Variants in C1S observed in about 807,000 individuals in gnomAD.
C1S encodes the protein complement C1s subcomponent.
A neutral mutation model predicts 54.0 loss-of-function variants in C1S; 31 were observed. The ratio of observed to expected loss-of-function variants is 0.57; its 90% confidence interval spans 0.43 to 0.78. The LOEUF (loss-of-function observed/expected upper bound fraction) is 0.78. Among genes scored for constraint, C1S ranks in the 30% least tolerant of loss-of-function variants. The pLI is 0.00. For missense variants in C1S, 727 were observed against 851.8 expected (o/e 0.85, Z 1.82); for synonymous variants, 292 against 303.6 (o/e 0.96, Z 0.40).
At chr12:7,067,792 A>G in intron 10 of C1S, 21 bp downstream of exon 10, 1 of 1,603,642 alleles carries the variant, frequency 6.2e-7, no homozygotes, top group Non-Finnish European at 8.5e-7. Flanking sequence ...TCTACTGGAG[A>G]AGAGAGAGAG....
chr12:7,063,669 A>G (rs1023682448), intron 4 of C1S, among the ~76,000 whole-genome samples: 1 of 152,210 alleles, frequency 6.6e-6, no homozygotes, highest in African/African-American at 2.4e-5. Flanking sequence ...TTTACCTTGC[A>G]GAGTGTCATT....
rs781956061 is a variant in C1S, at chr12:7,067,054, A to T, written c.1003A>T (p.Thr335Ser). Residue 335 changes from threonine to serine, a missense_variant, in exon 9 of 12, where the codon ACA (threonine) becomes TCA (serine). Coordinates refer to ENST00000360817, the MANE Select transcript of C1S (RefSeq NM_001734.5). The part of the protein sequence containing the change: ...FEVVEGRVGA[T>S]SFYSTCQSNG... ...TATTCTCCAGGGACGTGTTGGTGCA[A>T]CATCTTTCTATTCGACTTGTCAAAG... The T allele has an allele frequency of 6.2e-7, 1 of 1,611,928 alleles. No individual in the cohort carries two copies.
At chr12:7,066,865 G>A in intron 8 of C1S, 174 bp from the exon 9 acceptor site, 1 of 713,328 alleles carries the variant, frequency 1.4e-6, no homozygotes, top group Non-Finnish European at 2.6e-6. Flanking sequence ...GACACGTTGG[G>A]GCAAAGCTTT....
At position 7,068,484 on chromosome 12, in the gene C1S, C is replaced by T. The variant is rs2135727934; in HGVS notation, c.1224C>T (p.Ser408=). 8 of 1,613,688 alleles carry T rather than the reference C, an allele frequency of 5.0e-6. No individual in the cohort carries two copies. Among genetic ancestry groups the T allele is most frequent in the Non-Finnish European group, 6.8e-6 (8 of 1,179,700 alleles). Residue 408 remains serine (S), a synonymous_variant, in exon 11 of 12, where the codon AGC becomes AGT. Transcript: ENST00000360817. ...AGTATCACTGTGCTGGTAACGGGAG[C>T]TGGGTGAATGAGGTGCTGGGCCCGG... ...GGEYHCAGNG[S]WVNEVLGPEL... is the part of the protein sequence containing the mutation.
intron 11 of C1S, among the ~76,000 whole-genome samples, chr12:7,069,251 C>G (rs1359797889): frequency 6.6e-6 from 1 of 152,168 alleles, no homozygotes; most frequent in East Asian, 1.9e-4. Flanking sequence ...AGCAGCTTCA[C>G]TTGAATTCAG....
chr12:7,066,148 C>A, intron 7 of C1S, 178 bp downstream of exon 7: 1 of 667,706 alleles, frequency 1.5e-6, no homozygotes. Context: ...CCACTCTGGG[C>A]AACAGAGCAA....
chr12:7,065,375 A>G, intron 6 of C1S, 76 bp downstream of exon 6: 1 of 1,058,312 alleles, frequency 9.4e-7, no homozygotes. Context: ...TTTTTTTTTC[A>G]TACAGCATCT....
chr12:7,065,201 C>T lies in C1S; in HGVS notation c.619C>T (p.Arg207Trp), dbSNP rs781922815. The change falls in exon 6 of 12, where the codon CGG (arginine) becomes TGG (tryptophan). Residue 207 changes from arginine (R) to tryptophan (W), a missense_variant. Physicochemically the swap from Arg to Trp is moderately radical, Grantham distance 101. Transcript: ENST00000360817. ...PENSRCEYQIRLEKGFQVVVT... is the reference protein window; with the variant it reads ...PENSRCEYQIWLEKGFQVVVT... ...GAACTCAAGGTGTGAATACCAGATC[C>T]GGTTGGAGAAAGGGTTCCAAGTGGT... is the stretch of plus-strand genomic sequence containing the variant. 1.2e-5 allele frequency: 19 copies of T among 1,613,838 alleles called. No homozygotes were observed. Among genetic ancestry groups the T allele is most frequent in the African/African-American group, 6.7e-5 (5 of 75,020 alleles).
rs1937654613 is a variant in C1S, at chr12:7,066,324, G to A, written c.872-194G>A. On this transcript the variant is annotated intron_variant, in intron 7 of 11. Coordinates refer to ENST00000360817, the MANE Select transcript of C1S (RefSeq NM_001734.5). ...CTCTAGTAATCCTTTAACTAGACCT[G>A]AGACTGCAGACAGCTTGCGGGTGGT... is the stretch of plus-strand genomic sequence containing the variant. 3 of 664,460 alleles carry A rather than the reference G, an allele frequency of 4.5e-6. 1 individual carries two copies. In the South Asian group the frequency reaches 5.1e-5, roughly 11 times the overall value. 41.2% of individuals were successfully genotyped at this position (664,460 alleles called of 1,614,324 possible).
At chr12:7,067,470 C>A in intron 9 of C1S, 173 bp from the exon 10 acceptor site, 1 of 782,418 alleles carries the variant, frequency 1.3e-6, no homozygotes, top group South Asian at 1.4e-5. Flanking sequence ...GGTGAGAGAG[C>A]TGAGAGATGC....
rs781932595 is a variant in C1S, at chr12:7,070,250, G to A, written c.1666G>A (p.Asp556Asn). ...SPICLPGTSS[D>N]YNLMDGDLGL... ...CATCTGCCTACCAGGCACCTCTTCC[G>A]ACTACAACCTCATGGATGGGGACCT... Residue 556 changes from aspartate to asparagine, a missense_variant, in exon 12 of 12, where the codon GAC becomes AAC. Physicochemically the swap from Asp to Asn is conservative, Grantham distance 23. Coordinates refer to ENST00000360817, the MANE Select transcript of C1S (RefSeq NM_001734.5). The surrounding 1 kb of genome is among the most constrained non-coding windows in gnomAD (Gnocchi z 4.9). 6.2e-6 allele frequency: 10 copies of A among 1,613,972 alleles called. No individual in the cohort carries two copies. Among genetic ancestry groups the A allele is most frequent in the East Asian group, 2.2e-5 (1 of 44,898 alleles).
At chr12:7,069,769 G>T in intron 11 of C1S, 86 bp from the exon 12 acceptor site, 1 of 1,150,266 alleles carries the variant, frequency 8.7e-7, no homozygotes, top group Non-Finnish European at 1.3e-6. Context: ...CAACCTAGCA[G>T]GTAACATTAT....
At position 7,070,623 on chromosome 12, in the gene C1S, A is replaced by G; in HGVS notation, c.2039A>G (p.Gln680Arg). ...GTTGACTGGATAATGAAGACTATGC[A>G]GGAAAATAGCACCCCCCGTGAGGAC... ...NYVDWIMKTM[Q>R]ENSTPRED is the part of the protein sequence containing the mutation. The change falls in exon 12 of 12, where the codon CAG (glutamine) becomes CGG (arginine). Residue 680 changes from glutamine to arginine, a missense_variant. By Grantham distance (43) the Gln-to-Arg change is conservative. Coordinates refer to ENST00000360817, the MANE Select transcript of C1S (RefSeq NM_001734.5). The surrounding 1 kb of genome is among the most constrained non-coding windows in gnomAD (Gnocchi z 4.9). The G allele has an allele frequency of 6.2e-7, 1 of 1,614,160 alleles. No individual in the cohort carries two copies.
Position 7,070,761 on chromosome 12 carries a change from G to A in C1S, c.*110G>A. On this transcript the variant is annotated 3_prime_UTR_variant, in exon 12 of 12. Transcript: ENST00000360817. This position sits in a 1 kb window ranked among gnomAD's most constrained non-coding sequence, Gnocchi z 4.9. ...TGACTGAAAGAAGACACGAGCGAAT[G>A]ATTTAAATAGAACTTGATTGTTGAG... The A allele has an allele frequency of 1.1e-6, 1 of 935,412 alleles. No homozygotes were observed. The highest frequency in any genetic ancestry group is 1.7e-6 in the Non-Finnish European group (1 of 579,808). The allele number at this position is 935,412 out of a possible 1,614,324, so 57.9% of individuals were successfully genotyped here. A position where few individuals can be genotyped will look rare whatever the true frequency, so the allele number is the denominator to read the frequency against.
chr12:7,061,336 C>G (rs1191360366), intron 1 of C1S: 1 of 165,380 alleles, frequency 6.0e-6, no homozygotes, highest in Non-Finnish European at 1.3e-5. Context: ...CTGCCTCCAT[C>G]GGTGGGCGTT....
At chr12:7,067,146 T>A in intron 9 of C1S, 29 bp downstream of exon 9, 1 of 1,361,282 alleles carries the variant, frequency 7.3e-7, no homozygotes, top group Non-Finnish European at 1.1e-6. Context: ...TGGAAGTCTT[T>A]CTTTTTCTCT....
chr12:7,061,780 C>T, intron 1 of C1S, 59 bp from the exon 2 acceptor site: 1 of 957,084 alleles, frequency 1.0e-6, no homozygotes, highest in Non-Finnish European at 1.7e-6. Context: ...TGACGCCGCA[C>T]CACCAAAGAA....
intron 4 of C1S, chr12:7,064,029 GT>G (rs1178291015): frequency 1.7e-5 from 8 of 468,540 alleles, no homozygotes; most frequent in Non-Finnish European, 2.9e-5. Flanking sequence ...GTGAGGCTAT[GT>G]CACTTACACA....
intron 11 of C1S, 39 bp from the exon 12 acceptor site, chr12:7,069,816 T>G: frequency 5.2e-6 from 8 of 1,546,382 alleles, no homozygotes; most frequent in Non-Finnish European, 7.2e-6. Context: ...GCCAGCATCA[T>G]TTCTTCCTCC....
Sources: gnomAD v4.1 joint callset for allele counts (sites outside exome capture counted in the v4.1 genomes callset) on GRCh38, gnomAD v4.1.1 for gene constraint, Gnocchi (gnomAD v3.1) non-coding constraint, MANE v1.5 for transcripts, NCBI Gene and HGNC (gene_info 2026-07-23, HGNC 2026-07-21) for gene names.